SSX2IP: variants seen among roughly 807,000 people sequenced by gnomAD.
SSX2IP encodes the protein afadin- and alpha-actinin-binding protein.
In SSX2IP, 55 loss-of-function variants were observed where a neutral mutation model predicts 84.9. The ratio of observed to expected loss-of-function variants is 0.65; its 90% CI spans 0.52 to 0.81. The LOEUF is 0.81. Ranked by LOEUF, SSX2IP falls within the 30% of genes least tolerant of loss-of-function variation. SSX2IP has a pLI of 0.00. For missense variants in SSX2IP, 664 were observed against 705.2 expected, an observed-to-expected ratio of 0.94 and a Z score of 0.66; for synonymous variants, 239 against 234.7, an observed-to-expected ratio of 1.02 and a Z score of -0.17.
chr1:84,666,276 T>C (rs754328914), intron 4 of SSX2IP, 44 bp from the exon 5 acceptor site: 2 of 1,408,008 alleles, frequency 1.4e-6, no homozygotes, highest in African/African-American at 2.9e-5. Flanking sequence ...AATAAAGGAT[T>C]TAGAATAACT....
intron 1 of SSX2IP, among the ~76,000 whole-genome samples, chr1:84,687,182 G>A (rs1004917556): frequency 6.6e-6 from 1 of 152,174 alleles, no homozygotes; most frequent in African/African-American, 2.4e-5. Flanking sequence ...CAGGGCACAA[G>A]ATCACATAGC....
chr1:84,658,582 G>T, intron 8 of SSX2IP, 114 bp from the exon 9 acceptor site: 1 of 1,280,300 alleles, frequency 7.8e-7, no homozygotes, highest in Non-Finnish European at 1.1e-6. Context: ...AATCATTTCT[G>T]TGCTGTGTCT....
In SSX2IP at chr1:84,658,312, G is replaced by A; in HGVS notation, c.1078+6C>T. 1 of 1,613,918 alleles carries A rather than the reference G, an allele frequency of 6.2e-7. No homozygotes were observed. Among genetic ancestry groups the A allele is most frequent in the Non-Finnish European group, 8.5e-7 (1 of 1,179,920 alleles). ...CTCACTTTACATGCATAGAAGCAGT[G>A]GTTACCTTGGTTATCAAGCTTTTCT... On this transcript the variant is annotated splice_donor_region_variant and intron_variant, in intron 9 of 13. Coordinates refer to ENST00000342203, the MANE Select transcript of SSX2IP (RefSeq NM_001166293.2).
At chr1:84,683,349 A>G (rs994602981) in intron 1 of SSX2IP, among the ~76,000 whole-genome samples, 28 of 152,174 alleles carry the variant, frequency 1.8e-4, no homozygotes, top group Non-Finnish European at 4.0e-4. Context: ...TAATCAAATA[A>G]TTATGCCAAT....
intron 1 of SSX2IP, among the ~76,000 whole-genome samples, chr1:84,674,816 C>T (rs1654089910): frequency 6.6e-6 from 1 of 152,146 alleles, no homozygotes; most frequent in Non-Finnish European, 1.5e-5. Flanking sequence ...AATCTAAAAG[C>T]TTCCATGAAT....
chr1:84,664,317 A>G lies in SSX2IP; in HGVS notation c.673+100T>C. On this transcript the variant is annotated intron_variant, in intron 6 of 13. Coordinates refer to ENST00000342203, the MANE Select transcript of SSX2IP (RefSeq NM_001166293.2). ...AAAATCAATTGTATAAAGCATGAAA[A>G]TAACATTTCGTGAGTTACTGTGTTC... 2.5e-6 allele frequency: 3 copies of G among 1,206,314 alleles called. No homozygotes were observed. The Admixed American group carries it at 8.9e-5, about 36-fold the overall frequency. 74.7% of individuals were successfully genotyped at this position (1,206,314 alleles called of 1,614,324 possible).
rs1649416673 is a variant in SSX2IP at position 84,645,923 on chromosome 1, A to G, written c.*1510T>C. 1.3e-5 allele frequency: 2 copies of G among 152,366 alleles called. No individual in the cohort carries two copies. The highest frequency in any genetic ancestry group is 6.5e-5 in the Admixed American group (1 of 15,306). 9.4% of individuals were successfully genotyped at this position (152,366 alleles called of 1,614,324 possible). On this transcript the variant is annotated 3_prime_UTR_variant, in exon 14 of 14. Coordinates refer to ENST00000342203, the MANE Select transcript of SSX2IP (RefSeq NM_001166293.2). ...CTATGAGTATATCCACTAATGTCTC[A>G]TAAGACACTCTTAATGATATCCTAT...
chr1:84,666,323 C>A, intron 4 of SSX2IP, 91 bp from the exon 5 acceptor site: 1 of 822,284 alleles, frequency 1.2e-6, no homozygotes, highest in Non-Finnish European at 1.9e-6. Flanking sequence ...AGTTATACAT[C>A]CTAGTGTTTA....
chr1:84,682,355 G>C (rs535316236), intron 1 of SSX2IP, among the ~76,000 whole-genome samples: 17 of 152,186 alleles, frequency 1.1e-4, no homozygotes, highest in African/African-American at 3.9e-4. Context: ...CCTTGAACCG[G>C]TCATAATTTC....
intron 1 of SSX2IP, among the ~76,000 whole-genome samples, chr1:84,688,907 AG>A (rs1448402523): frequency 1.3e-5 from 2 of 152,190 alleles, no homozygotes; most frequent in African/African-American, 4.8e-5. Context: ...TTGGCCTAAG[AG>A]GTTCAGCCAG....
chr1:84,678,428 A>G (rs903291281), intron 1 of SSX2IP, among the ~76,000 whole-genome samples: 6 of 151,994 alleles, frequency 3.9e-5, no homozygotes, highest in African/African-American at 1.4e-4. Context: ...CCATCACATA[A>G]CCTTCTCCAA....
chr1:84,677,133 T>C (rs1427854478), intron 1 of SSX2IP, among the ~76,000 whole-genome samples: 33 of 152,200 alleles, frequency 2.2e-4, no homozygotes, highest in Admixed American at 2.2e-3. Flanking sequence ...TTCCACTGTT[T>C]ATTTAGAAGA....
rs909005572 is a variant in SSX2IP at position 84,670,627 on chromosome 1, T to C, written c.213+19A>G. 9.1e-6 allele frequency: 14 copies of C among 1,540,858 alleles called. No individual in the cohort carries two copies. Among genetic ancestry groups the C allele is most frequent in the Non-Finnish European group, 1.2e-5 (14 of 1,134,100 alleles). On this transcript the variant is annotated intron_variant, in intron 3 of 13. Transcript: ENST00000342203. ...ATATAACATGATTTATGCTACTGTTTTTTACAAAAACATGTTACCTGATCA... is the reference window on the plus strand; with the variant it reads ...ATATAACATGATTTATGCTACTGTTCTTTACAAAAACATGTTACCTGATCA...
chr1:84,647,338 G>T lies in SSX2IP; in HGVS notation c.*95C>A. ...AAACAAACAACTCAGACCATCTTAA[G>T]TTATTAGAGATAACTGACTTTATGA... On this transcript the variant is annotated 3_prime_UTR_variant, in exon 14 of 14. Transcript: ENST00000342203. 8.9e-7 allele frequency: 1 copy of T among 1,125,706 alleles called. No homozygotes were observed. The highest frequency in any genetic ancestry group is 1.2e-6 in the Non-Finnish European group (1 of 809,874). The allele number at this position is 1,125,706 out of a possible 1,614,324, so 69.7% of individuals were successfully genotyped here.
intron 3 of SSX2IP, 180 bp from the exon 4 acceptor site, chr1:84,670,073 C>CA (rs1653340977): frequency 5.7e-6 from 3 of 530,420 alleles, no homozygotes; most frequent in Admixed American, 3.4e-5. Context: ...ATTCTCACCA[C>CA]AAAAAATGAT....
intron 8 of SSX2IP, among the ~76,000 whole-genome samples, chr1:84,661,608 CT>C (rs745399229): frequency 4.6e-5 from 7 of 152,108 alleles, no homozygotes; most frequent in Non-Finnish European, 8.8e-5. Flanking sequence ...AAGTCAAAAT[CT>C]TTTTAGCCTT....
intron 6 of SSX2IP, among the ~76,000 whole-genome samples, chr1:84,663,559 A>G (rs2102346479): frequency 6.6e-6 from 1 of 152,340 alleles, no homozygotes; most frequent in South Asian, 2.1e-4. Context: ...AGATACCTCC[A>G]ACAGCTCTGC....
At chr1:84,656,997 C>T (rs1004515410) in intron 9 of SSX2IP, among the ~76,000 whole-genome samples, 1 of 152,172 alleles carries the variant, frequency 6.6e-6, no homozygotes, top group Non-Finnish European at 1.5e-5. Flanking sequence ...ACAGCATTGA[C>T]TCAAATGAAC....
intron 1 of SSX2IP, among the ~76,000 whole-genome samples, chr1:84,679,153 A>G (rs1288564362): frequency 1.4e-5 from 1 of 72,296 alleles, no homozygotes; most frequent in Non-Finnish European, 4.1e-5. Context: ...AAACTTAACA[A>G]TTTAGTCATC....
Sources: allele counts gnomAD v4.1 joint callset (sites outside exome capture counted in the v4.1 genomes callset), GRCh38; gene constraint gnomAD v4.1.1; transcripts MANE v1.5; gene names NCBI Gene and HGNC (gene_info 2026-07-23, HGNC 2026-07-21).